RASGRP3: variants seen among roughly 807,000 people sequenced by gnomAD.
RASGRP3 encodes the protein RAS guanyl releasing protein 3.
In RASGRP3, 54 loss-of-function variants were observed where a neutral mutation model predicts 82.7. The observed-to-expected ratio is 0.65, with a 90% CI of 0.52 to 0.82. The LOEUF (loss-of-function observed/expected upper bound fraction) is 0.82, where lower values mean the gene tolerates loss of function less well. Among genes scored for constraint, RASGRP3 ranks in the 40% least tolerant of loss-of-function variants. The pLI, the probability that RASGRP3 is intolerant of heterozygous loss-of-function variation, is 0.00. For missense variants in RASGRP3, 861 were observed against 828.9 expected, an observed-to-expected ratio of 1.04 and a Z score of -0.48; for synonymous variants, 309 against 300.5, an observed-to-expected ratio of 1.03 and a Z score of -0.29.
At position 33,508,976 on chromosome 2, in the gene RASGRP3, G is replaced by A. The variant is rs74792700; in HGVS notation, c.-260-2734G>A. On this transcript the variant is annotated intron_variant, in intron 1 of 17. Transcript: ENST00000403687. ...CTAGTTACACTTTCCATAAGTCTGAGCCTCAGAACTAAAGCAAGGCTGGCA... is the reference window on the plus strand; with the variant it reads ...CTAGTTACACTTTCCATAAGTCTGAACCTCAGAACTAAAGCAAGGCTGGCA... 5.6e-3 allele frequency among the ~76,000 whole-genome samples: 859 copies of A among 152,292 alleles called. 4 individuals carry two copies. The highest frequency in any genetic ancestry group is 0.02 in the African/African-American group (822 of 41,560).
intron 9 of RASGRP3, among the ~76,000 whole-genome samples, chr2:33,526,006 G>A (rs1219212728): frequency 6.6e-6 from 1 of 152,116 alleles, no homozygotes; most frequent in East Asian, 1.9e-4. Flanking sequence ...TGTAGCAACC[G>A]AAAAATTACG....
chr2:33,532,338 C>T (rs1408258138), intron 10 of RASGRP3: 4 of 152,202 alleles, frequency 2.6e-5, no homozygotes, highest in African/African-American at 9.7e-5. Flanking sequence ...CAGTGATGTT[C>T]ATCACAAACC....
chr2:33,487,925 A>G (rs1454249852), intron 1 of RASGRP3, among the ~76,000 whole-genome samples: 1 of 152,250 alleles, frequency 6.6e-6, no homozygotes, highest in African/African-American at 2.4e-5. Flanking sequence ...ACATAGTTGC[A>G]GACAGCAGTA....
At chr2:33,462,426 C>CTGGA (rs1306342881) in intron 2 of RASGRP3, among the ~76,000 whole-genome samples, 2 of 148,302 alleles carry the variant, frequency 1.3e-5, no homozygotes, top group African/African-American at 5.0e-5. Context: ...GTTGGCCAGG[C>CTGGA]TGGAGTACAG....
Position 33,549,609 on chromosome 2 carries a change from G to A in RASGRP3, c.1400G>A (p.Gly467Asp). The A allele has an allele frequency of 6.2e-7, 1 of 1,612,086 alleles. No individual in the cohort carries two copies. The highest frequency in any genetic ancestry group is 8.5e-7 in the Non-Finnish European group (1 of 1,178,846). ...SFCVLDKDQDGLISKDEMMAY... is the reference protein window; with the variant it reads ...SFCVLDKDQDDLISKDEMMAY... ...TTCTTTGATTCTCTTAACAGGGATG[G>A]CCTAATTAGTAAAGATGAAATGATG... Residue 467 changes from glycine (G) to aspartate (D), a missense_variant, in exon 14 of 18, where the codon GGC (glycine) becomes GAC (aspartate). By Grantham distance (94) the Gly-to-Asp change is moderately conservative. Coordinates refer to ENST00000403687, the MANE Select transcript of RASGRP3 (RefSeq NM_001139488.2).
chr2:33,462,086 G>A (rs1281257375), intron 2 of RASGRP3, among the ~76,000 whole-genome samples: 1 of 152,184 alleles, frequency 6.6e-6, no homozygotes, highest in African/African-American at 2.4e-5. Context: ...ACAATGTTGA[G>A]CAGATGGATT....
In RASGRP3 at chr2:33,523,943, C is replaced by G. The variant is rs904208199; in HGVS notation, c.581C>G (p.Ser194Trp). The G allele has an allele frequency of 6.2e-7, 1 of 1,613,716 alleles. No individual in the cohort carries two copies. Among genetic ancestry groups the G allele is most frequent in the African/African-American group, 1.3e-5 (1 of 74,890 alleles). ...GAGAATAATCCAACCTTGGAAAGAT[C>G]GATTGCTTTATTTAATGGAATCTCT... ...CLENNPTLER[S>W]IALFNGISKW... The change falls in exon 8 of 18, where the codon TCG becomes TGG. Residue 194 changes from serine to tryptophan, a missense_variant. Ser to Trp is a radical substitution (Grantham distance 177, BLOSUM62 -3). Transcript: ENST00000403687.
At chr2:33,471,623 T>C (rs1356876629) in intron 2 of RASGRP3, among the ~76,000 whole-genome samples, 1 of 152,132 alleles carries the variant, frequency 6.6e-6, no homozygotes, top group African/African-American at 2.4e-5. Flanking sequence ...GAACACTTCA[T>C]ATACCATGGG....
intron 10 of RASGRP3, among the ~76,000 whole-genome samples, chr2:33,527,755 T>A (rs939298810): frequency 2.6e-5 from 4 of 152,174 alleles, no homozygotes; most frequent in Non-Finnish European, 5.9e-5. Context: ...TGTCCTCCAG[T>A]CATCTGCTCC....
chr2:33,461,107 C>T (rs945088191), intron 2 of RASGRP3, among the ~76,000 whole-genome samples: 2 of 152,182 alleles, frequency 1.3e-5, no homozygotes, highest in Non-Finnish European at 2.9e-5. Flanking sequence ...AAGGAATCAA[C>T]ACCCATCCCT....
intron 1 of RASGRP3, among the ~76,000 whole-genome samples, chr2:33,499,340 CTGAGCTCA>C (rs910927414): frequency 2.6e-5 from 4 of 152,112 alleles, no homozygotes; most frequent in Admixed American, 1.3e-4. Context: ...GGTGGATCGC[CTGAGCTCA>C]GGAGTTCGAG....
intron 1 of RASGRP3, among the ~76,000 whole-genome samples, chr2:33,507,673 G>C (rs1404709197): frequency 1.3e-5 from 2 of 152,176 alleles, no homozygotes; most frequent in African/African-American, 4.8e-5. Context: ...TTACAGGCAT[G>C]TGCCACCACG....
In RASGRP3 at chr2:33,519,980, A is replaced by C. The variant is rs1329719519; in HGVS notation, c.202A>C (p.Asn68His). The C allele has an allele frequency of 6.2e-7, 1 of 1,610,518 alleles. No homozygotes were observed. The highest frequency in any genetic ancestry group is 1.1e-5 in the South Asian group (1 of 90,048). Residue 68 changes from asparagine to histidine, a missense_variant, in exon 5 of 18, where the codon AAT becomes CAT. Coordinates refer to ENST00000403687, the MANE Select transcript of RASGRP3 (RefSeq NM_001139488.2). ...TCGAAATGCCACTGGAGAAAGCTGC[A>C]ATGAATTTCGATTAAAGATCTGCTA... ...MYRNATGESCNEFRLKICYFM... is the reference protein window; with the variant it reads ...MYRNATGESCHEFRLKICYFM...
intron 1 of RASGRP3, among the ~76,000 whole-genome samples, chr2:33,507,457 G>T (rs191897255): frequency 1.6e-4 from 24 of 152,212 alleles, no homozygotes; most frequent in Middle Eastern, 3.4e-3. Flanking sequence ...GGGAAGGTGG[G>T]GATCATAGGA....
intron 1 of RASGRP3, among the ~76,000 whole-genome samples, chr2:33,493,809 C>T (rs1669069907): frequency 6.6e-6 from 1 of 151,624 alleles, no homozygotes; most frequent in Non-Finnish European, 1.5e-5. Context: ...ATAATCTTTA[C>T]AAAATTAAAA....
chr2:33,518,234 C>G (rs1197475277), intron 4 of RASGRP3, among the ~76,000 whole-genome samples: 1 of 152,160 alleles, frequency 6.6e-6, no homozygotes, highest in Non-Finnish European at 1.5e-5. Context: ...GCCTATTGGT[C>G]CTGGACTACA....
chr2:33,516,284 T>C (rs1671458402), intron 3 of RASGRP3, among the ~76,000 whole-genome samples: 1 of 152,164 alleles, frequency 6.6e-6, no homozygotes, highest in African/African-American at 2.4e-5. Flanking sequence ...GGCAGGCGCC[T>C]GTAGTCCCAG....
chr2:33,558,985 T>G lies in RASGRP3; in HGVS notation c.2019T>G (p.Phe673Leu), dbSNP rs1264657124. 2 of 1,613,704 alleles carry G rather than the reference T, an allele frequency of 1.2e-6. No individual in the cohort carries two copies. Among genetic ancestry groups the G allele is most frequent in the East Asian group, 2.2e-5 (1 of 44,886 alleles). Reference sequence around the variant, plus strand: ...ATGTTGTAGACCGGGGCACGGAGTTTGAACTTGACCAGGATGAAGGAGAAG... The same window carrying G: ...ATGTTGTAGACCGGGGCACGGAGTTGGAACTTGACCAGGATGAAGGAGAAG... ...GVDVVDRGTE[F>L]ELDQDEGEET... The change falls in exon 17 of 18, where the codon TTT becomes TTG. Residue 673 changes from phenylalanine (F) to leucine (L), a missense_variant. Transcript: ENST00000403687.
At chr2:33,556,559 C>A (rs2151110550) in intron 15 of RASGRP3, among the ~76,000 whole-genome samples, 1 of 152,146 alleles carries the variant, frequency 6.6e-6, no homozygotes, top group Middle Eastern at 3.4e-3. Context: ...TTCTAATAAT[C>A]TTATAAAGCT....
Sources: gnomAD v4.1 joint callset for allele counts (sites outside exome capture counted in the v4.1 genomes callset) on GRCh38, gnomAD v4.1.1 for gene constraint, MANE v1.5 for transcripts, NCBI Gene and HGNC (gene_info 2026-07-23, HGNC 2026-07-21) for gene names.